SLC48A1: variants seen among roughly 807,000 people sequenced by gnomAD.
SLC48A1 encodes solute carrier family 48 member 1, also known as heme transporter HRG1.
In SLC48A1, 6 loss-of-function variants were observed where a neutral mutation model predicts 14.8. The ratio of observed to expected loss-of-function variants is 0.41; its 90% CI spans 0.22 to 0.80. The LOEUF (loss-of-function observed/expected upper bound fraction) is 0.80, where lower values mean the gene tolerates loss of function less well. SLC48A1 is among the 30% of genes least tolerant of loss of function. SLC48A1 has a pLI of 0.34. For missense variants in SLC48A1, 165 were observed against 204.8 expected (o/e 0.81, Z 1.19); for synonymous variants, 89 against 90.0 (o/e 0.99, Z 0.06).
intron 2 of SLC48A1, among the ~76,000 whole-genome samples, chr12:47,762,047 A>G (rs1359743364): frequency 2.0e-5 from 3 of 151,784 alleles, no homozygotes; most frequent in African/African-American, 4.8e-5. Flanking sequence ...AGGGGGAAAA[A>G]CTCATATCCA....
chr12:47,759,711 C>T (rs1358588048), intron 1 of SLC48A1, among the ~76,000 whole-genome samples: 1 of 152,218 alleles, frequency 6.6e-6, no homozygotes, highest in African/African-American at 2.4e-5. Flanking sequence ...CCTCTTCGCC[C>T]CACTCCTGAG....
rs1942670299 is a variant in SLC48A1, at chr12:47,773,385, C to T, written c.81C>T (p.Leu27=). 1 of 1,477,036 alleles carries T rather than the reference C, an allele frequency of 6.8e-7. No individual in the cohort carries two copies. Among genetic ancestry groups the T allele is most frequent in the Non-Finnish European group, 9.0e-7 (1 of 1,112,710 alleles). The allele number at this position is 1,477,036 out of a possible 1,614,324, so 91.5% of individuals were successfully genotyped here. The part of the protein sequence containing the change: ...ISSVAGFSIF[L]VWTVVYRQPG... Reference sequence around the variant, plus strand: ...CCGTGGCCGGCTTCTCCATCTTCCTCGTCTGGACGGTGGTCTACCGACAGC... The same window carrying T: ...CCGTGGCCGGCTTCTCCATCTTCCTTGTCTGGACGGTGGTCTACCGACAGC... Residue 27 remains leucine (L), a synonymous_variant, in exon 1 of 3, where the codon CTC becomes CTT. Coordinates refer to ENST00000442218, the MANE Select transcript of SLC48A1 (RefSeq NM_017842.3).
At chr12:47,764,536 G>A (rs1178265913) in intron 2 of SLC48A1, among the ~76,000 whole-genome samples, 1 of 152,224 alleles carries the variant, frequency 6.6e-6, no homozygotes, top group Non-Finnish European at 1.5e-5. Context: ...TCCCTGCTTA[G>A]GAGATGCCCA....
At chr12:47,779,776 C>T (rs1007482689) in intron 2 of SLC48A1, among the ~76,000 whole-genome samples, 14 of 152,314 alleles carry the variant, frequency 9.2e-5, no homozygotes, top group Admixed American at 5.9e-4. Flanking sequence ...CGAGCCTTAC[C>T]GCCTGAGCTC....
At chr12:47,754,890 C>T (rs532774053), upstream of SLC48A1, among the ~76,000 whole-genome samples, 8 of 152,334 alleles carry the variant, frequency 5.3e-5, no homozygotes, top group South Asian at 1.7e-3. Flanking sequence ...GGCACTAACT[C>T]CCCTGGCACC....
intron 2 of SLC48A1, among the ~76,000 whole-genome samples, chr12:47,765,421 C>T (rs1336827831): frequency 2.6e-5 from 4 of 152,240 alleles, no homozygotes; most frequent in African/African-American, 9.6e-5. Flanking sequence ...AGCCGCTTTG[C>T]CTGCTTTGCC....
rs997565267 is a variant in SLC48A1, at chr12:47,773,301, C to A, written c.-4C>A. The stretch of plus-strand genomic sequence containing the variant: ...GCCCTCGGCCCGCCCGGCGCCGCAG[C>A]CCCATGGCCCCGTCCAGGCTGCAGC... On this transcript the variant is annotated 5_prime_UTR_variant, in exon 1 of 3. Transcript: ENST00000442218. 3 of 1,440,908 alleles carry A rather than the reference C, an allele frequency of 2.1e-6. No homozygotes were observed. Among genetic ancestry groups the A allele is most frequent in the East Asian group, 3.2e-5 (1 of 31,662 alleles). 89.3% of individuals were successfully genotyped at this position (1,440,908 alleles called of 1,614,324 possible). A position where few individuals can be genotyped will look rare whatever the true frequency, so the allele number is the denominator to read the frequency against.
upstream of SLC48A1, chr12:47,773,144 C>T: frequency 1.0e-6 from 1 of 964,972 alleles, no homozygotes; most frequent in Non-Finnish European, 1.2e-6. Flanking sequence ...CGGCCTCCGG[C>T]CGGGGAGGGC....
chr12:47,778,898 A>G lies in SLC48A1; in HGVS notation c.137-130A>G, dbSNP rs1942805359. 7.1e-6 allele frequency: 8 copies of G among 1,126,446 alleles called. No homozygotes were observed. In the South Asian group the frequency reaches 1.5e-4, roughly 21 times the overall value. The allele number at this position is 1,126,446 out of a possible 1,614,324, so 69.8% of individuals were successfully genotyped here. ...TGATATCACAGCCTCCGAAAAGGAA[A>G]ACTCCATTCTATGAGGGAATGAGAG... On this transcript the variant is annotated intron_variant, in intron 1 of 2. Coordinates refer to ENST00000442218, the MANE Select transcript of SLC48A1 (RefSeq NM_017842.3).
Position 47,773,349 on chromosome 12 carries a change from C to T in SLC48A1, c.45C>T (p.Ser15=), listed in dbSNP as rs1324975532. ...AGCTCGGCCTCCGCGCCGCCTACTC[C>T]GGCATCAGCTCCGTGGCCGGCTTCT... ...RLQLGLRAAY[S]GISSVAGFSI... Residue 15 remains serine (S), a synonymous_variant, in exon 1 of 3, where the codon TCC becomes TCT. Transcript: ENST00000442218. 6.8e-6 allele frequency: 10 copies of T among 1,476,100 alleles called. No individual in the cohort carries two copies. The highest frequency in any genetic ancestry group is 1.5e-5 in the African/African-American group (1 of 67,966). 91.4% of individuals were successfully genotyped at this position (1,476,100 alleles called of 1,614,324 possible).
upstream of SLC48A1, among the ~76,000 whole-genome samples, chr12:47,754,262 A>G (rs1483792657): frequency 6.6e-6 from 1 of 152,252 alleles, no homozygotes; most frequent in Non-Finnish European, 1.5e-5. Flanking sequence ...TTTGTGCTAT[A>G]GGCACAGACA....
intron 2 of SLC48A1, among the ~76,000 whole-genome samples, chr12:47,761,485 C>A (rs1022465731): frequency 6.6e-6 from 1 of 152,218 alleles, no homozygotes; most frequent in African/African-American, 2.4e-5. Context: ...CTAGCTTGTC[C>A]TACCTCTAAC....
chr12:47,763,989 G>A lies in SLC48A1; in HGVS notation c.-187+3588G>A, dbSNP rs949944026. Among the ~76,000 whole-genome samples the A allele has an allele frequency of 3.3e-5, 5 of 152,222 alleles. No individual in the cohort carries two copies. In the South Asian group the frequency reaches 1.0e-3, roughly 31 times the overall value. On this transcript the variant is annotated intron_variant, in intron 2 of 4. Coordinates refer to the SLC48A1 transcript ENST00000547002. The stretch of plus-strand genomic sequence containing the variant: ...CTGGGCTGGAGGGTAGGGACAGGGT[G>A]AGAGAAGCCAGAAGAGCAGGCGAAG...
intron 2 of SLC48A1, among the ~76,000 whole-genome samples, chr12:47,764,495 G>T (rs901632833): frequency 2.6e-5 from 4 of 152,218 alleles, no homozygotes; most frequent in Admixed American, 6.5e-5. Flanking sequence ...GACTGCAGGA[G>T]CCTGAAAGAG....
upstream of SLC48A1, among the ~76,000 whole-genome samples, chr12:47,772,960 T>G (rs531316232): frequency 6.6e-6 from 1 of 152,308 alleles, no homozygotes; most frequent in African/African-American, 2.4e-5. Context: ...TAAAGATTTT[T>G]AATCCTCGCG....
In SLC48A1 at chr12:47,781,984, C is replaced by T. The variant is rs1942892908; in HGVS notation, c.*1703C>T. ...CAGCAACCCCTGCGGGATTTGGTGTCCACACCCGAGAGGCCAGGCCAGATG... is the reference window on the plus strand; with the variant it reads ...CAGCAACCCCTGCGGGATTTGGTGTTCACACCCGAGAGGCCAGGCCAGATG... On this transcript the variant is annotated 3_prime_UTR_variant, in exon 3 of 3. Coordinates refer to ENST00000442218, the MANE Select transcript of SLC48A1 (RefSeq NM_017842.3). The T allele has an allele frequency of 6.6e-6, 1 of 152,480 alleles. No homozygotes were observed. 9.4% of individuals were successfully genotyped at this position (152,480 alleles called of 1,614,324 possible).
Position 47,782,503 on chromosome 12 carries a change from G to A in SLC48A1, c.*2222G>A, listed in dbSNP as rs1372128332. ...CTCAGCCCAGGGCTGCCTCCTCTTT[G>A]TCACCCCAAAGTGGGGCAGCCAGGG... On this transcript the variant is annotated 3_prime_UTR_variant, in exon 3 of 3. Coordinates refer to ENST00000442218, the MANE Select transcript of SLC48A1 (RefSeq NM_017842.3). 6.6e-6 allele frequency: 1 copy of A among 152,030 alleles called. No individual in the cohort carries two copies. Among genetic ancestry groups the A allele is most frequent in the Non-Finnish European group, 1.5e-5 (1 of 68,062 alleles). 9.4% of individuals were successfully genotyped at this position (152,030 alleles called of 1,614,324 possible). A position where few individuals can be genotyped will look rare whatever the true frequency, so the allele number is the denominator to read the frequency against.
At chr12:47,758,240 T>C (rs1033380474), upstream of SLC48A1, 11 of 1,433,340 alleles carry the variant, frequency 7.7e-6, no homozygotes, top group South Asian at 3.0e-5. Flanking sequence ...CAGGAAGACC[T>C]TCACTGGGGC....
chr12:47,768,684 C>G (rs7399189), upstream of SLC48A1: 23,789 of 152,188 alleles, frequency 0.16, 2,389 homozygotes, highest in East Asian at 0.57. Flanking sequence ...GAAGATATGT[C>G]TGGAATGTGT....
Sources: allele counts gnomAD v4.1 joint callset (sites outside exome capture counted in the v4.1 genomes callset), GRCh38; gene constraint gnomAD v4.1.1; transcripts MANE v1.5; gene names NCBI Gene and HGNC (gene_info 2026-07-23, HGNC 2026-07-21).